Variants in NMT1 observed in about 807,000 individuals in gnomAD.
The protein encoded by NMT1 is glycylpeptide N-tetradecanoyltransferase 1.
In NMT1, 12 loss-of-function variants were observed where a neutral mutation model predicts 63.4. The observed-to-expected ratio is 0.19, with a 90% CI of 0.12 to 0.31. NMT1 has a LOEUF of 0.31. NMT1 is among the 10% of genes least tolerant of loss of function. NMT1 has a pLI of 1.00. For missense variants in NMT1, 432 were observed against 634.6 expected (o/e 0.68, Z 3.43); for synonymous variants, 228 against 234.3 (o/e 0.97, Z 0.25).
chr17:45,075,692 C>A (rs1189553296), intron 1 of NMT1, among the ~76,000 whole-genome samples: 2 of 150,908 alleles, frequency 1.3e-5, no homozygotes, highest in Admixed American at 1.3e-4. Flanking sequence ...AATCGCTGAA[C>A]CCAGGAGGCG....
intron 3 of NMT1, 54 bp downstream of exon 3, chr17:45,086,706 C>T (rs1375777287): frequency 1.9e-6 from 3 of 1,538,684 alleles, no homozygotes; most frequent in Non-Finnish European, 2.6e-6. Context: ...TCTGCCTCAG[C>T]TGTGCCTTCA....
At chr17:45,088,764 T>TA (rs368660508) in intron 3 of NMT1, among the ~76,000 whole-genome samples, 39 of 147,902 alleles carry the variant, frequency 2.6e-4, no homozygotes, top group Non-Finnish European at 4.6e-4. Context: ...AAAAATGAAT[T>TA]TAAAAAAAAA....
chr17:45,085,136 C>T (rs572382989), intron 2 of NMT1, among the ~76,000 whole-genome samples: 1 of 152,068 alleles, frequency 6.6e-6, no homozygotes. Flanking sequence ...GCCTATAGTT[C>T]CAGCTACTCA....
At chr17:45,067,847 AG>A (rs1205563714) in intron 1 of NMT1, among the ~76,000 whole-genome samples, 1 of 152,246 alleles carries the variant, frequency 6.6e-6, no homozygotes, top group African/African-American at 2.4e-5. Context: ...AGAAATGGAA[AG>A]TAAATGAGAG....
intron 1 of NMT1, among the ~76,000 whole-genome samples, chr17:45,070,799 G>A (rs1198753086): frequency 1.3e-5 from 2 of 152,126 alleles, no homozygotes; most frequent in Non-Finnish European, 2.9e-5. Flanking sequence ...TGATCTGCCC[G>A]CCTTGGCCTC....
At chr17:45,065,647 A>C (rs1304930652) in intron 1 of NMT1, among the ~76,000 whole-genome samples, 1 of 148,690 alleles carries the variant, frequency 6.7e-6, no homozygotes, top group Non-Finnish European at 1.5e-5. Flanking sequence ...AAAAAAAAGA[A>C]ATACCTACAG....
In NMT1 at chr17:45,103,973, G is replaced by A. The variant is rs983595047; in HGVS notation, c.1332+97G>A. On this transcript the variant is annotated intron_variant, in intron 10 of 11. Transcript: ENST00000258960. The surrounding 1 kb of genome is among the most constrained non-coding windows in gnomAD (Gnocchi z 4.8). ...CCGGGACGCAGCCTCCCATGGGCTG[G>A]AGGCTCTGAGCCCTCCTCATCTGTT... The A allele has an allele frequency of 6.2e-7, 1 of 1,600,140 alleles. No homozygotes were observed. Among genetic ancestry groups the A allele is most frequent in the South Asian group, 1.1e-5 (1 of 90,658 alleles).
chr17:45,065,876 G>A (rs939136683), intron 1 of NMT1, among the ~76,000 whole-genome samples: 3 of 150,144 alleles, frequency 2.0e-5, no homozygotes, highest in African/African-American at 7.3e-5. Flanking sequence ...TATTCTCCTG[G>A]GCCTTTTTTT....
At chr17:45,091,081 A>C (rs1325982138) in intron 3 of NMT1, among the ~76,000 whole-genome samples, 1 of 151,904 alleles carries the variant, frequency 6.6e-6, no homozygotes, top group Non-Finnish European at 1.5e-5. Context: ...CTGTAGCTCT[A>C]CTTTTTCACA....
chr17:45,096,347 G>A (rs544461754), intron 5 of NMT1, 62 bp downstream of exon 5: 1 of 1,358,524 alleles, frequency 7.4e-7, no homozygotes, highest in Non-Finnish European at 1.1e-6. Context: ...TCCACCAGAG[G>A]GCACCAGAGT....
chr17:45,081,701 G>A lies in NMT1; in HGVS notation c.189G>A (p.Lys63=). ...GAKKKKKKQK[K]KKEKGSETDS... ...AAAAGAAGAAAAAGAAACAAAAAAA[G>A]AAGAAAGAAAAAGGCAGTGAGACAG... The change falls in exon 2 of 12, where the codon AAG becomes AAA. Residue 63 remains lysine, a synonymous_variant. Transcript: ENST00000258960. The A allele has an allele frequency of 1.2e-6, 2 of 1,610,050 alleles. No individual in the cohort carries two copies. The highest frequency in any genetic ancestry group is 1.7e-6 in the Non-Finnish European group (2 of 1,177,730).
At chr17:45,094,814 C>G (rs1567869835) in intron 4 of NMT1, among the ~76,000 whole-genome samples, 1 of 116,690 alleles carries the variant, frequency 8.6e-6, no homozygotes, top group African/African-American at 3.3e-5. Context: ...CTAGGCCTGG[C>G]TTTTTTTTTT....
At chr17:45,097,670 A>G (rs1478223747) in intron 6 of NMT1, among the ~76,000 whole-genome samples, 1 of 152,052 alleles carries the variant, frequency 6.6e-6, no homozygotes, top group Non-Finnish European at 1.5e-5. Context: ...GGCTTTTCTT[A>G]GTCTCACTCT....
chr17:45,081,559 C>A (rs1021719378), intron 1 of NMT1, 85 bp from the exon 2 acceptor site: 2 of 1,200,616 alleles, frequency 1.7e-6, no homozygotes, highest in East Asian at 2.3e-5. Context: ...TAAGGAAGGT[C>A]TGGCTCCACA....
At chr17:45,067,819 A>G (rs2053912664) in intron 1 of NMT1, among the ~76,000 whole-genome samples, 1 of 152,228 alleles carries the variant, frequency 6.6e-6, no homozygotes, top group Non-Finnish European at 1.5e-5. Flanking sequence ...CTTCAAAGAG[A>G]AGAGACTGGA....
intron 1 of NMT1, among the ~76,000 whole-genome samples, chr17:45,062,117 A>C (rs2053867256): frequency 6.6e-6 from 1 of 152,188 alleles, no homozygotes; most frequent in Non-Finnish European, 1.5e-5. Context: ...GAGCAGCCCC[A>C]GGCTTCAAGA....
intron 1 of NMT1, among the ~76,000 whole-genome samples, chr17:45,065,024 G>GT (rs2053892879): frequency 3.3e-5 from 5 of 151,904 alleles, no homozygotes; most frequent in Non-Finnish European, 7.4e-5. Context: ...AGCTTTTATC[G>GT]TAACAATAGT....
At chr17:45,087,810 G>A (rs919827643) in intron 3 of NMT1, among the ~76,000 whole-genome samples, 4 of 152,160 alleles carry the variant, frequency 2.6e-5, no homozygotes, top group African/African-American at 7.2e-5. Context: ...GCCAGACAGG[G>A]TAGGGCTAAA....
intron 2 of NMT1, among the ~76,000 whole-genome samples, chr17:45,085,682 C>T (rs1471336345): frequency 6.6e-6 from 1 of 152,152 alleles, no homozygotes; most frequent in African/African-American, 2.4e-5. Context: ...CAACATAAGA[C>T]TAATAAGGGG....
Sources: gnomAD v4.1 joint callset for allele counts (sites outside exome capture counted in the v4.1 genomes callset) on GRCh38, gnomAD v4.1.1 for gene constraint, Gnocchi (gnomAD v3.1) non-coding constraint, MANE v1.5 for transcripts, NCBI Gene and HGNC (gene_info 2026-07-23, HGNC 2026-07-21) for gene names.